Variants in RGS6 observed in about 807,000 individuals in gnomAD.
RGS6 encodes regulator of G protein signaling 6.
Under a neutral mutation model 78.5 loss-of-function variants are expected in RGS6, and 30 were observed. The observed-to-expected ratio is 0.38, with a 90% CI of 0.29 to 0.52. The LOEUF is 0.52. Among genes scored for constraint, RGS6 ranks in the 20% least tolerant of loss-of-function variants. The pLI, the probability that RGS6 is intolerant of heterozygous loss-of-function variation, is 0.85. For missense variants in RGS6, 495 were observed against 609.7 expected (o/e 0.81, Z 1.98); for synonymous variants, 206 against 206.0 (o/e 1.00, Z 0.00).
At chr14:72,156,817 A>G (rs982598344) in intron 2 of RGS6, among the ~76,000 whole-genome samples, 2 of 152,210 alleles carry the variant, frequency 1.3e-5, no homozygotes, top group Admixed American at 6.5e-5. Flanking sequence ...TGGGCTGGGC[A>G]CTGTCAGGGA....
chr14:72,248,030 C>G (rs1266500855), intron 2 of RGS6, among the ~76,000 whole-genome samples: 1 of 152,222 alleles, frequency 6.6e-6, no homozygotes, highest in Non-Finnish European at 1.5e-5. Context: ...ATTAAGCATT[C>G]TCTCAGTTGT....
At chr14:71,984,499 G>T in intron 2 of RGS6, among the ~76,000 whole-genome samples, 1 of 34,468 alleles carries the variant, frequency 2.9e-5, no homozygotes. Flanking sequence ...AAAAAAAGTT[G>T]GTGTGGACAA....
the RGS6 span, among the ~76,000 whole-genome samples, chr14:71,890,358 C>CAGACAGAGAGAGAG: frequency 0.012 from 1,547 of 133,056 alleles, 16 homozygotes; most frequent in African/African-American, 0.02. Context: ...GTGCATAAGA[C>CAGACAGAGAGAGAG]AGAGAGAGAG....
intron 3 of RGS6, among the ~76,000 whole-genome samples, chr14:72,360,595 G>T (rs1179667928): frequency 6.6e-6 from 1 of 151,690 alleles, no homozygotes; most frequent in Non-Finnish European, 1.5e-5. Flanking sequence ...AAATAAGTGG[G>T]CAGATGTGAT....
chr14:72,137,123 C>A (rs367816213), intron 2 of RGS6, among the ~76,000 whole-genome samples: 1 of 152,242 alleles, frequency 6.6e-6, no homozygotes, highest in South Asian at 2.1e-4. Context: ...GTAGAGGATC[C>A]CCAAATTCTC....
intron 13 of RGS6, among the ~76,000 whole-genome samples, chr14:72,496,642 T>C (rs1005548780): frequency 1.3e-5 from 2 of 152,204 alleles, no homozygotes; most frequent in African/African-American, 4.8e-5. Flanking sequence ...ACATATTAAG[T>C]TGATTGGTCC....
At chr14:71,971,819 C>G (rs1310543691) in intron 2 of RGS6, among the ~76,000 whole-genome samples, 1 of 151,392 alleles carries the variant, frequency 6.6e-6, no homozygotes, top group Non-Finnish European at 1.5e-5. Context: ...GAATGGTGGA[C>G]TCGGTTCTTC....
At chr14:72,329,290 C>T (rs761164679) in intron 2 of RGS6, among the ~76,000 whole-genome samples, 1 of 152,282 alleles carries the variant, frequency 6.6e-6, no homozygotes, top group Non-Finnish European at 1.5e-5. Flanking sequence ...CACGGCGCTT[C>T]TTATTAATCC....
In RGS6 at chr14:72,142,312, T is replaced by TA. The variant is rs566188728; in HGVS notation, c.84+177449dup. On this transcript the variant is annotated intron_variant, in intron 2 of 17. Transcript: ENST00000553525. ...CTCTTTCCTGTGGTCATAAAGTGAT[T>TA]AAAAAAAAAAAAGAGAGGAGAGAGA... Among the ~76,000 whole-genome samples, 1,193 of 143,856 alleles carry TA rather than the reference T, an allele frequency of 8.3e-3. 34 individuals are homozygous for TA. The highest frequency in any genetic ancestry group is 0.063 in the Admixed American group (924 of 14,564). 94.4% of individuals were successfully genotyped at this position (143,856 alleles called of 152,430 possible).
At position 72,297,296 on chromosome 14, in the gene RGS6, C is replaced by T. The variant is rs577319474; in HGVS notation, c.85-54799C>T. Among the ~76,000 whole-genome samples, 10 of 151,980 alleles carry T rather than the reference C, an allele frequency of 6.6e-5. No homozygotes were observed. The South Asian group carries it at 1.2e-3, about 19-fold the overall frequency. ...TGTATAAATTTTAGAATCAGCTTAT[C>T]GATTTCTACAAAACGTCTTCAGAAA... On this transcript the variant is annotated intron_variant, in intron 2 of 17. Transcript: ENST00000553525.
intron 2 of RGS6, among the ~76,000 whole-genome samples, chr14:72,211,894 A>G (rs762895645): frequency 2.0e-5 from 3 of 152,210 alleles, no homozygotes; most frequent in African/African-American, 7.2e-5. Context: ...CCGTGAAGAT[A>G]TGTGCAATTA....
At chr14:72,165,312 G>A (rs1334520619) in intron 2 of RGS6, among the ~76,000 whole-genome samples, 2 of 152,218 alleles carry the variant, frequency 1.3e-5, no homozygotes, top group Non-Finnish European at 2.9e-5. Flanking sequence ...AGGTGGATTT[G>A]CTTGTGGGGA....
rs148168719 is a variant in RGS6 at position 72,416,405 on chromosome 14, C to T, written c.185-38123C>T. ...AATGAGAAAAGTTTTGCAAATATGT[C>T]GGTACTTTGTATTAAGCCTAAAACT... On this transcript the variant is annotated intron_variant, in intron 3 of 17. Coordinates refer to ENST00000553525, the MANE Select transcript of RGS6 (RefSeq NM_001204424.2). 4.9e-3 allele frequency among the ~76,000 whole-genome samples: 749 copies of T among 152,176 alleles called. 3 individuals are homozygous for T. Among genetic ancestry groups the T allele is most frequent in the African/African-American group, 0.017 (691 of 41,496 alleles).
At chr14:72,369,493 C>T (rs1440172228) in intron 3 of RGS6, among the ~76,000 whole-genome samples, 1 of 152,114 alleles carries the variant, frequency 6.6e-6, no homozygotes, top group Non-Finnish European at 1.5e-5. Flanking sequence ...CCATAGAAAA[C>T]TAATACAGTG....
the RGS6 span, among the ~76,000 whole-genome samples, chr14:71,870,022 G>T: frequency 6.6e-6 from 1 of 152,150 alleles, no homozygotes; most frequent in Non-Finnish European, 1.5e-5. Flanking sequence ...AAATTACCCA[G>T]TCACAGGTAT....
the RGS6 span, among the ~76,000 whole-genome samples, chr14:72,579,266 T>C: frequency 1.3e-5 from 2 of 152,170 alleles, no homozygotes; most frequent in East Asian, 3.8e-4. Context: ...AGCCCCTGAA[T>C]AGTTCAGGGC....
At chr14:72,214,201 G>T (rs1358944960) in intron 2 of RGS6, among the ~76,000 whole-genome samples, 6 of 147,982 alleles carry the variant, frequency 4.1e-5, no homozygotes, top group African/African-American at 1.5e-4. Context: ...TTTTCACTGG[G>T]GTCTCACTCT....
At chr14:71,925,616 C>T in the RGS6 span, among the ~76,000 whole-genome samples, 1 of 150,480 alleles carries the variant, frequency 6.6e-6, no homozygotes, top group Non-Finnish European at 1.5e-5. Context: ...CATTCTTTTC[C>T]ATGTGGATAT....
At chr14:71,996,662 C>G (rs2095218371) in intron 2 of RGS6, among the ~76,000 whole-genome samples, 1 of 152,056 alleles carries the variant, frequency 6.6e-6, no homozygotes, top group Admixed American at 6.6e-5. Flanking sequence ...TTGTCCTAGC[C>G]CAGTGGTTGA....
Sources: allele counts gnomAD v4.1 joint callset (sites outside exome capture counted in the v4.1 genomes callset), GRCh38; gene constraint gnomAD v4.1.1; transcripts MANE v1.5; gene names NCBI Gene and HGNC (gene_info 2026-07-23, HGNC 2026-07-21).